CACNA1C: variants seen among roughly 807,000 people sequenced by gnomAD.
CACNA1C encodes the protein voltage-dependent L-type calcium channel subunit alpha-1C.
CACNA1C carries 30 observed loss-of-function variants against 229.0 expected under a neutral mutation model. The observed-to-expected ratio is 0.13, with a 90% CI of 0.10 to 0.18. The LOEUF (loss-of-function observed/expected upper bound fraction) is 0.18. Among genes scored for constraint, CACNA1C ranks in the 10% least tolerant of loss-of-function variants. The pLI, the probability that CACNA1C is intolerant of heterozygous loss-of-function variation, is 1.00. For synonymous variants in CACNA1C, 1,114 were observed against 1,132.5 expected, an observed-to-expected ratio of 0.98 and a Z score of 0.33; for missense variants, 1,658 against 2,845.0, an observed-to-expected ratio of 0.58 and a Z score of 9.49.
intron 3 of CACNA1C, among the ~76,000 whole-genome samples, chr12:2,448,040 G>T (rs1271839189): frequency 6.6e-6 from 1 of 152,258 alleles, no homozygotes; most frequent in Non-Finnish European, 1.5e-5. Context: ...TGCCTGGTGG[G>T]GGCCATTAAG....
At chr12:2,583,308 T>C (rs1422445865) in intron 15 of CACNA1C, among the ~76,000 whole-genome samples, 2 of 152,272 alleles carry the variant, frequency 1.3e-5, no homozygotes, top group Non-Finnish European at 2.9e-5. Flanking sequence ...GGCGGGACGC[T>C]CCGGGAGGGA....
At chr12:2,622,856 G>A (rs1273658988) in intron 29 of CACNA1C, among the ~76,000 whole-genome samples, 1 of 152,208 alleles carries the variant, frequency 6.6e-6, no homozygotes, top group African/African-American at 2.4e-5. Flanking sequence ...AGTCTGGCCG[G>A]CTCAGTTTTC....
At chr12:2,017,193 G>A (rs1354410354) in intron 1 of CACNA1C, among the ~76,000 whole-genome samples, 2 of 152,168 alleles carry the variant, frequency 1.3e-5, no homozygotes, top group Non-Finnish European at 2.9e-5. Flanking sequence ...TGACACCGAG[G>A]GCCTACATGA....
intron 7 of CACNA1C, among the ~76,000 whole-genome samples, chr12:2,499,233 G>A (rs2154575347): frequency 6.6e-6 from 1 of 152,288 alleles, no homozygotes; most frequent in Non-Finnish European, 1.5e-5. Context: ...GAGCTGACTG[G>A]TGTTCACTGG....
intron 3 of CACNA1C, among the ~76,000 whole-genome samples, chr12:2,189,308 G>T (rs1293424671): frequency 6.6e-6 from 1 of 152,124 alleles, no homozygotes; most frequent in African/African-American, 2.4e-5. Context: ...GAGGACAGAG[G>T]TCCCTTGCTG....
At chr12:2,495,312 C>T (rs2099744481) in intron 7 of CACNA1C, among the ~76,000 whole-genome samples, 1 of 152,224 alleles carries the variant, frequency 6.6e-6, no homozygotes. Context: ...CTTCTGCCAA[C>T]AGGCAGTTTC....
At chr12:2,273,989 G>A (rs980893037) in intron 3 of CACNA1C, among the ~76,000 whole-genome samples, 1 of 152,226 alleles carries the variant, frequency 6.6e-6, no homozygotes, top group Non-Finnish European at 1.5e-5. Context: ...CCAGCAGGCA[G>A]GGCTTGTTCA....
intron 3 of CACNA1C, among the ~76,000 whole-genome samples, chr12:2,339,897 ACT>A (rs2154520995): frequency 6.6e-6 from 1 of 152,214 alleles, no homozygotes; most frequent in African/African-American, 2.4e-5. Flanking sequence ...AAGGGATACT[ACT>A]CTCTTTTATG....
intron 3 of CACNA1C, among the ~76,000 whole-genome samples, chr12:2,276,121 C>T (rs1424010732): frequency 1.3e-5 from 2 of 151,794 alleles, no homozygotes; most frequent in African/African-American, 2.4e-5. Context: ...TGGTTGGATC[C>T]GCGGGTACAG....
At chr12:2,468,533 C>T (rs1220781152) in intron 5 of CACNA1C, among the ~76,000 whole-genome samples, 1 of 152,184 alleles carries the variant, frequency 6.6e-6, no homozygotes, top group Admixed American at 6.5e-5. Flanking sequence ...ATAACTCCCT[C>T]CAGGACTTGG....
chr12:2,513,313 T>C (rs2239101), intron 9 of CACNA1C, among the ~76,000 whole-genome samples: 14,224 of 152,316 alleles, frequency 0.093, 775 homozygotes, highest in South Asian at 0.14. Flanking sequence ...GGGCACAGGC[T>C]TCCCGTTTGA....
chr12:2,180,655 G>A (rs2096810206), intron 3 of CACNA1C, among the ~76,000 whole-genome samples: 1 of 152,192 alleles, frequency 6.6e-6, no homozygotes, highest in Non-Finnish European at 1.5e-5. Context: ...TTTGCTGATA[G>A]GGAGGCCGTA....
intron 3 of CACNA1C, among the ~76,000 whole-genome samples, chr12:2,309,492 TACAC>T (rs375903186): frequency 1.5e-4 from 22 of 146,278 alleles, no homozygotes; most frequent in Admixed American, 7.5e-4. Context: ...CACACACACA[TACAC>T]ACACACACAC....
intron 3 of CACNA1C, among the ~76,000 whole-genome samples, chr12:2,310,432 T>C (rs1159462111): frequency 1.3e-5 from 2 of 151,818 alleles, no homozygotes; most frequent in African/African-American, 2.4e-5. Flanking sequence ...GTTTTGAATG[T>C]GGGGGAGGCA....
intron 9 of CACNA1C, among the ~76,000 whole-genome samples, chr12:2,539,810 T>A (rs2099864677): frequency 9.0e-6 from 1 of 111,052 alleles, no homozygotes; most frequent in Non-Finnish European, 1.8e-5. Flanking sequence ...GCAGGCAGGG[T>A]TTAAGGACTT....
intron 3 of CACNA1C, among the ~76,000 whole-genome samples, chr12:2,318,860 G>A (rs2095825860): frequency 6.6e-6 from 1 of 151,708 alleles, no homozygotes; most frequent in Admixed American, 6.6e-5. Context: ...AGGGAAGGAG[G>A]GAGGGAGGTG....
chr12:2,384,406 A>T (rs2098330580), intron 3 of CACNA1C, among the ~76,000 whole-genome samples: 1 of 152,086 alleles, frequency 6.6e-6, no homozygotes, highest in Non-Finnish European at 1.5e-5. Flanking sequence ...TTGGTCGTGG[A>T]TTCGGAACTG....
chr12:2,360,653 C>T (rs2097535206), intron 3 of CACNA1C, among the ~76,000 whole-genome samples: 1 of 152,188 alleles, frequency 6.6e-6, no homozygotes, highest in South Asian at 2.1e-4. Flanking sequence ...TTGAGCAGGT[C>T]ATTTTACCTC....
intron 1 of CACNA1C, among the ~76,000 whole-genome samples, chr12:2,003,173 AT>A (rs1259464747): frequency 1.3e-5 from 2 of 152,022 alleles, no homozygotes; most frequent in East Asian, 1.9e-4. Context: ...TATGTTAATG[AT>A]TTTCAGGTGA....
Sources: gnomAD v4.1 joint callset for allele counts (sites outside exome capture counted in the v4.1 genomes callset) on GRCh38, gnomAD v4.1.1 for gene constraint, MANE v1.5 for transcripts, NCBI Gene and HGNC (gene_info 2026-07-23, HGNC 2026-07-21) for gene names.